Variants in ANO2 observed in about 807,000 individuals in gnomAD.
ANO2 encodes anoctamin 2.
A neutral mutation model predicts 124.2 loss-of-function variants in ANO2; 101 were observed. That is an observed-to-expected ratio of 0.81 (90% CI 0.69 to 0.96). The LOEUF (loss-of-function observed/expected upper bound fraction) is 0.96, where lower values mean the gene tolerates loss of function less well. ANO2 is among the 40% of genes least tolerant of loss of function. The probability of loss-of-function intolerance (pLI) is 0.00; values close to 1 mark genes in which losing one functional copy is unlikely to be tolerated. For synonymous variants in ANO2, 486 were observed against 482.5 expected (o/e 1.01, Z -0.09); for missense variants, 1,293 against 1,274.5 (o/e 1.01, Z -0.22).
chr12:5,677,699 A>T (rs1948309147), intron 14 of ANO2, among the ~76,000 whole-genome samples: 1 of 152,212 alleles, frequency 6.6e-6, no homozygotes, highest in Non-Finnish European at 1.5e-5. Flanking sequence ...AGGCTCAGCT[A>T]CCATACCCAA....
rs1953185898 is a variant in ANO2 at position 5,806,182 on chromosome 12, A to G, written c.949-89T>C. ...AAAGGATTTTCTTTTTTATTTTCTA[A>G]TATCATTGCTTTTTTTTCATTCCCA... On this transcript the variant is annotated intron_variant, in intron 8 of 24. Coordinates refer to ENST00000682330, the MANE Select transcript of ANO2 (RefSeq NM_001364791.2). 18 of 1,338,750 alleles carry G rather than the reference A, an allele frequency of 1.3e-5. No individual in the cohort carries two copies. In the South Asian group the frequency reaches 2.4e-4, roughly 18 times the overall value. 82.9% of individuals were successfully genotyped at this position (1,338,750 alleles called of 1,614,324 possible). A position where few individuals can be genotyped will look rare whatever the true frequency, so the allele number is the denominator to read the frequency against.
chr12:5,912,589 C>T (rs1300865122), intron 3 of ANO2, among the ~76,000 whole-genome samples: 1 of 152,220 alleles, frequency 6.6e-6, no homozygotes, highest in East Asian at 1.9e-4. Context: ...CATCCCCACC[C>T]CAGGCTGCCC....
At chr12:5,679,709 C>T (rs555437665) in intron 14 of ANO2, among the ~76,000 whole-genome samples, 6 of 152,138 alleles carry the variant, frequency 3.9e-5, no homozygotes, top group Non-Finnish European at 5.9e-5. Flanking sequence ...TTACTTCAGC[C>T]GTTGTGGAAG....
At position 5,661,020 on chromosome 12, in the gene ANO2, G is replaced by A. The variant is rs571698170; in HGVS notation, c.1546-13219C>T. Among the ~76,000 whole-genome samples the A allele has an allele frequency of 1.6e-4, 24 of 152,302 alleles. No individual in the cohort carries two copies. The South Asian group carries it at 3.1e-3, about 20-fold the overall frequency. On this transcript the variant is annotated intron_variant, in intron 14 of 24. Transcript: ENST00000682330. ...CAGTTTGAGAAAAATAGTCAATTGC[G>A]TGGCCCACAGACCTGAAGAGCAGCT...
At position 5,563,255 on chromosome 12, in the gene ANO2, C is replaced by T. The variant is rs1423628326; in HGVS notation, c.*44G>A. On this transcript the variant is annotated 3_prime_UTR_variant, in exon 25 of 25. Transcript: ENST00000682330. ...GTAGGAACATGCTTACGTGCATGTG[C>T]GTGTCTCTGCTGCCGTGCCCTCCTC... 19 of 1,561,376 alleles carry T rather than the reference C, an allele frequency of 1.2e-5. No homozygotes were observed. The highest frequency in any genetic ancestry group is 2.3e-5 in the East Asian group (1 of 42,820).
chr12:5,593,043 G>A (rs1410276062), intron 20 of ANO2, among the ~76,000 whole-genome samples: 1 of 152,126 alleles, frequency 6.6e-6, no homozygotes, highest in Non-Finnish European at 1.5e-5. Flanking sequence ...GGGGGTCTCT[G>A]CCTTTCAAAA....
Position 5,640,793 on chromosome 12 carries a change from A to G in ANO2, c.1621-5446T>C, listed in dbSNP as rs571167404. 6.6e-5 allele frequency among the ~76,000 whole-genome samples: 10 copies of G among 152,340 alleles called. No individual in the cohort carries two copies. The South Asian group carries it at 2.1e-3, about 32-fold the overall frequency. On this transcript the variant is annotated intron_variant, in intron 15 of 24. Coordinates refer to ENST00000682330, the MANE Select transcript of ANO2 (RefSeq NM_001364791.2). ...TGTTGGTGGGAGCGTGAACTAGTTCAACGATTGTGGAAGACAGTGTGGCGA... is the reference window on the plus strand; with the variant it reads ...TGTTGGTGGGAGCGTGAACTAGTTCGACGATTGTGGAAGACAGTGTGGCGA...
chr12:5,593,218 C>T (rs1470816442), intron 20 of ANO2, among the ~76,000 whole-genome samples: 9 of 152,164 alleles, frequency 5.9e-5, no homozygotes, highest in Admixed American at 5.9e-4. Context: ...CATCTCATCA[C>T]CCACAGTAAT....
Position 5,921,257 on chromosome 12 carries a change from T to C in ANO2, c.317A>G (p.His106Arg), listed in dbSNP as rs1298870646. 7.4e-6 allele frequency: 12 copies of C among 1,613,822 alleles called. No homozygotes were observed. The East Asian group carries it at 2.0e-4, about 27-fold the overall frequency. ...CAGGTGCACCCCGCGTTTCCGGTAGTGGTAGGCAAGTACATAGTCGACCTT... is the reference window on the plus strand; with the variant it reads ...CAGGTGCACCCCGCGTTTCCGGTAGCGGTAGGCAAGTACATAGTCGACCTT... Reference protein sequence around the residue: ...QRKVDYVLAYHYRKRGVHLAQ... With the variant: ...QRKVDYVLAYRYRKRGVHLAQ... The change falls in exon 3 of 25, where the codon CAC becomes CGC. Residue 106 changes from histidine to arginine, a missense_variant. Physicochemically the swap from His to Arg is conservative, Grantham distance 29. Transcript: ENST00000682330.
At chr12:5,681,256 C>T (rs1049427036) in intron 14 of ANO2, among the ~76,000 whole-genome samples, 8 of 152,216 alleles carry the variant, frequency 5.3e-5, no homozygotes, top group African/African-American at 1.2e-4. Flanking sequence ...AAGTCACTTC[C>T]GCTATGTGGT....
At chr12:5,888,002 G>A (rs1939069938) in intron 3 of ANO2, among the ~76,000 whole-genome samples, 1 of 152,174 alleles carries the variant, frequency 6.6e-6, no homozygotes, top group Admixed American at 6.5e-5. Flanking sequence ...TTCTGTGTCC[G>A]CAATTGGTGG....
chr12:5,730,543 A>G (rs367872033), intron 14 of ANO2, among the ~76,000 whole-genome samples: 1 of 152,232 alleles, frequency 6.6e-6, no homozygotes, highest in South Asian at 2.1e-4. Context: ...ATCCAAGACC[A>G]CCAGCTAGAA....
chr12:5,736,266 AAG>A (rs1950857903), intron 13 of ANO2, among the ~76,000 whole-genome samples: 1 of 152,128 alleles, frequency 6.6e-6, no homozygotes, highest in Non-Finnish European at 1.5e-5. Flanking sequence ...TCTGGTTTCC[AAG>A]CCGGACTTAA....
chr12:5,737,089 C>T (rs1950900889), intron 13 of ANO2, among the ~76,000 whole-genome samples: 2 of 152,178 alleles, frequency 1.3e-5, no homozygotes, highest in Non-Finnish European at 2.9e-5. Context: ...GTAATAGATG[C>T]TTAATGGCCA....
chr12:5,834,240 C>T (rs559033620), intron 4 of ANO2, among the ~76,000 whole-genome samples: 1 of 152,342 alleles, frequency 6.6e-6, no homozygotes, highest in East Asian at 1.9e-4. Context: ...GCTAATCTGT[C>T]AGGCTGCAAT....
At chr12:5,621,428 A>G (rs568319498) in intron 16 of ANO2, among the ~76,000 whole-genome samples, 1 of 152,358 alleles carries the variant, frequency 6.6e-6, no homozygotes, top group South Asian at 2.1e-4. Flanking sequence ...AGGTGTAACC[A>G]TATGACAGGA....
Position 5,562,768 on chromosome 12 carries a change from A to G in ANO2, c.*531T>C, listed in dbSNP as rs927937268. 6.5e-6 allele frequency: 1 copy of G among 153,114 alleles called. No individual in the cohort carries two copies. The highest frequency in any genetic ancestry group is 1.5e-5 in the Non-Finnish European group (1 of 68,728). 9.5% of individuals were successfully genotyped at this position (153,114 alleles called of 1,614,324 possible). A position where few individuals can be genotyped will look rare whatever the true frequency, so the allele number is the denominator to read the frequency against. ...TGTGACGTGAAGTGGAGACAAGCCC[A>G]GGTTTGGACCTTTGCACCTTACTAT... On this transcript the variant is annotated 3_prime_UTR_variant, in exon 25 of 25. Coordinates refer to ENST00000682330, the MANE Select transcript of ANO2 (RefSeq NM_001364791.2).
intron 3 of ANO2, among the ~76,000 whole-genome samples, chr12:5,879,843 G>A (rs1341729619): frequency 6.6e-6 from 1 of 152,138 alleles, no homozygotes; most frequent in Non-Finnish European, 1.5e-5. Context: ...TGCTTAAGAA[G>A]TGTGAACTCG....
intron 14 of ANO2, among the ~76,000 whole-genome samples, chr12:5,665,865 C>T (rs1387980554): frequency 3.3e-5 from 5 of 152,194 alleles, no homozygotes; most frequent in Middle Eastern, 3.4e-3. Context: ...TACAGAGCCA[C>T]CCCCCTGTGC....
Sources: gnomAD v4.1 joint callset for allele counts (sites outside exome capture counted in the v4.1 genomes callset) on GRCh38, gnomAD v4.1.1 for gene constraint, MANE v1.5 for transcripts, NCBI Gene and HGNC (gene_info 2026-07-23, HGNC 2026-07-21) for gene names.